PTPRU: variants seen among roughly 807,000 people sequenced by gnomAD.
The protein encoded by PTPRU is protein tyrosine phosphatase receptor type U, also known as receptor-type tyrosine-protein phosphatase U.
In PTPRU, 69 loss-of-function variants were observed where a neutral mutation model predicts 166.3. That is an observed-to-expected ratio of 0.41 (90% CI 0.34 to 0.51). PTPRU has a LOEUF of 0.51. PTPRU is among the 20% of genes least tolerant of loss of function. The pLI is 0.09. For missense variants in PTPRU, 1,657 were observed against 2,013.7 expected (o/e 0.82, Z 3.39); for synonymous variants, 793 against 814.0 (o/e 0.97, Z 0.44).
intron 8 of PTPRU, 105 bp downstream of exon 8, chr1:29,275,861 G>A (rs113294419): frequency 7.7e-6 from 10 of 1,291,876 alleles, no homozygotes; most frequent in African/African-American, 1.5e-5. Context: ...TTTTTGCTTA[G>A]GATTAAACCA....
At chr1:29,312,786 T>C (rs1441375648) in intron 22 of PTPRU, 80 bp downstream of exon 22, 1 of 1,488,364 alleles carries the variant, frequency 6.7e-7, no homozygotes, top group Non-Finnish European at 9.0e-7. Context: ...TGGTTCAGGA[T>C]CTGTAGTGGG....
intron 1 of PTPRU, among the ~76,000 whole-genome samples, chr1:29,239,566 G>A (rs1042778654): frequency 6.6e-6 from 1 of 152,140 alleles, no homozygotes; most frequent in African/African-American, 2.4e-5. Flanking sequence ...GGCAAGCATC[G>A]TGCTTGATGG....
At chr1:29,272,927 A>AAAT (rs1685633747) in intron 7 of PTPRU, among the ~76,000 whole-genome samples, 1 of 144,410 alleles carries the variant, frequency 6.9e-6, no homozygotes, top group African/African-American at 2.8e-5. Flanking sequence ...AAAAAAAAAA[A>AAAT]GAAAAAAAAA....
intron 15 of PTPRU, among the ~76,000 whole-genome samples, chr1:29,299,457 G>A (rs188597486): frequency 9.1e-4 from 139 of 152,284 alleles, no homozygotes; most frequent in Non-Finnish European, 1.5e-5. Flanking sequence ...CCCAGGAATT[G>A]GAGGGTCCTT....
At chr1:29,293,471 G>GTTTTTTTTTTTTTTTTTTTTT (rs201996423) in intron 15 of PTPRU, among the ~76,000 whole-genome samples, 1 of 135,314 alleles carries the variant, frequency 7.4e-6, no homozygotes, top group South Asian at 2.4e-4. Flanking sequence ...TTCGGGGGTA[G>GTTTTTTTTTTTTTTTTTTTTT]TTTTTTGTTT....
chr1:29,238,097 T>C lies in PTPRU; in HGVS notation c.73+1380T>C, dbSNP rs1017202690. Among the ~76,000 whole-genome samples the C allele has an allele frequency of 1.3e-5, 2 of 151,790 alleles. No individual in the cohort carries two copies. The highest frequency in any genetic ancestry group is 4.8e-5 in the African/African-American group (2 of 41,374). ...GAGTGTGAGCGTGAGTGTGAGCGTG[T>C]GGCTCCGCGCTTGTCTGCTGTGTGG... is the stretch of plus-strand genomic sequence containing the variant. On this transcript the variant is annotated intron_variant, in intron 1 of 29. Coordinates refer to ENST00000373779, the MANE Select transcript of PTPRU (RefSeq NM_133178.4). The surrounding 1 kb of genome is among the most constrained non-coding windows in gnomAD (Gnocchi z 6.1).
chr1:29,254,540 C>T (rs1684689195), intron 1 of PTPRU, among the ~76,000 whole-genome samples: 1 of 152,212 alleles, frequency 6.6e-6, no homozygotes, highest in South Asian at 2.1e-4. Flanking sequence ...CCTAATTTGG[C>T]CGACTTTGGG....
chr1:29,239,736 C>T (rs531406985), intron 1 of PTPRU, among the ~76,000 whole-genome samples: 2 of 152,168 alleles, frequency 1.3e-5, no homozygotes, highest in Admixed American at 6.5e-5. Flanking sequence ...CATCCTGGAA[C>T]GTCCTGTCTG....
At chr1:29,305,470 C>T in intron 18 of PTPRU, 42 bp downstream of exon 18, 1 of 1,577,990 alleles carries the variant, frequency 6.3e-7, no homozygotes, top group South Asian at 1.1e-5. Flanking sequence ...CTGGCCCTGC[C>T]CGCTCCAGGC....
chr1:29,314,098 A>G (rs902491799), intron 22 of PTPRU, among the ~76,000 whole-genome samples: 3 of 152,200 alleles, frequency 2.0e-5, no homozygotes, highest in Admixed American at 2.0e-4. Context: ...GCTCGTCCAC[A>G]GTGGATCATC....
rs895415823 is a variant in PTPRU at position 29,238,394 on chromosome 1, G to A, written c.73+1677G>A. On this transcript the variant is annotated intron_variant, in intron 1 of 29. Coordinates refer to ENST00000373779, the MANE Select transcript of PTPRU (RefSeq NM_133178.4). This position sits in a 1 kb window ranked among gnomAD's most constrained non-coding sequence, Gnocchi z 6.1. ...CTCGCCACCGGCGGGGCTGCTCCGCGGGCTCCGGGTAGCCGGGAGACGCCC... is the reference window on the plus strand; with the variant it reads ...CTCGCCACCGGCGGGGCTGCTCCGCAGGCTCCGGGTAGCCGGGAGACGCCC... Among the ~76,000 whole-genome samples the A allele has an allele frequency of 6.6e-6, 1 of 152,038 alleles. No homozygotes were observed. The highest frequency in any genetic ancestry group is 1.9e-4 in the East Asian group (1 of 5,136).
chr1:29,264,908 C>G (rs1037320065), intron 7 of PTPRU, among the ~76,000 whole-genome samples: 10 of 152,180 alleles, frequency 6.6e-5, no homozygotes, highest in Non-Finnish European at 1.5e-4. Context: ...TTTCCTTCAT[C>G]CAAGTTGTGT....
chr1:29,260,603 C>T lies in PTPRU; in HGVS notation c.851-7C>T. On this transcript the variant is annotated splice_region_variant and splice_polypyrimidine_tract_variant and intron_variant, in intron 6 of 29. Coordinates refer to ENST00000373779, the MANE Select transcript of PTPRU (RefSeq NM_133178.4). This position sits in a 1 kb window ranked among gnomAD's most constrained non-coding sequence, Gnocchi z 8.3. ...GTCCGCCTCGCCTCTCCCCCATCTCCTCGCAGAGCCCCCAACTCCCATCGC... is the reference window on the plus strand; with the variant it reads ...GTCCGCCTCGCCTCTCCCCCATCTCTTCGCAGAGCCCCCAACTCCCATCGC... 1 of 1,490,846 alleles carries T rather than the reference C, an allele frequency of 6.7e-7. No individual in the cohort carries two copies. The highest frequency in any genetic ancestry group is 8.9e-7 in the Non-Finnish European group (1 of 1,119,262). 92.4% of individuals were successfully genotyped at this position (1,490,846 alleles called of 1,614,324 possible).
intron 25 of PTPRU, 144 bp downstream of exon 25, chr1:29,318,065 T>C (rs1687984524): frequency 1.8e-6 from 2 of 1,122,062 alleles, no homozygotes. Context: ...GTGACCCTCC[T>C]ACTCCTAGGG....
rs778243643 is a variant in PTPRU at position 29,260,902 on chromosome 1, A to C, written c.1143A>C (p.Ala381=). ...GPPLISRTKC[A]EPMRAPKGLA... ...CCCTCATCAGCCGCACCAAATGCGCAGGTGGGTGCAGCAGCTACCCCTGGC... is the reference window on the plus strand; with the variant it reads ...CCCTCATCAGCCGCACCAAATGCGCCGGTGGGTGCAGCAGCTACCCCTGGC... The change falls in exon 7 of 30, where the codon GCA becomes GCC. Residue 381 remains alanine (A), a splice_region_variant and synonymous_variant. Coordinates refer to ENST00000373779, the MANE Select transcript of PTPRU (RefSeq NM_133178.4). The surrounding 1 kb of genome is among the most constrained non-coding windows in gnomAD (Gnocchi z 8.3). 2 of 1,559,020 alleles carry C rather than the reference A, an allele frequency of 1.3e-6. No homozygotes were observed. The highest frequency in any genetic ancestry group is 1.7e-6 in the Non-Finnish European group (2 of 1,156,586).
intron 8 of PTPRU, among the ~76,000 whole-genome samples, chr1:29,276,580 AG>A: frequency 6.6e-6 from 1 of 152,270 alleles, no homozygotes; most frequent in East Asian, 1.9e-4. Context: ...GGCCTCCAAA[AG>A]TGCTGGGATT....
In PTPRU at chr1:29,275,533, C is replaced by A; in HGVS notation, c.1230C>A (p.Asn410Lys). ...LTLQWEPLGYNVTRCHTYTVS... is the reference protein window; with the variant it reads ...LTLQWEPLGYKVTRCHTYTVS... ...TGCAGTGGGAACCACTGGGCTACAACGTGACGCGTTGCCACACCTATACTG... is the reference window on the plus strand; with the variant it reads ...TGCAGTGGGAACCACTGGGCTACAAAGTGACGCGTTGCCACACCTATACTG... Residue 410 changes from asparagine to lysine, a missense_variant, in exon 8 of 30, where the codon AAC becomes AAA. By Grantham distance (94) the Asn-to-Lys change is moderately conservative. This residue lies in a region of PTPRU where 1,190 missense variants were observed against 1,477.4 expected (regional missense o/e 0.81). Transcript: ENST00000373779. The A allele has an allele frequency of 1.9e-6, 3 of 1,614,214 alleles. No homozygotes were observed. The highest frequency in any genetic ancestry group is 1.1e-5 in the South Asian group (1 of 91,086).
chr1:29,290,487 C>G (rs1426241047), intron 14 of PTPRU, among the ~76,000 whole-genome samples: 1 of 152,252 alleles, frequency 6.6e-6, no homozygotes, highest in African/African-American at 2.4e-5. Context: ...GTCTTCTACT[C>G]TGCAAGCCTT....
At chr1:29,239,569 C>T (rs1313139013) in intron 1 of PTPRU, among the ~76,000 whole-genome samples, 3 of 152,258 alleles carry the variant, frequency 2.0e-5, no homozygotes, top group Admixed American at 6.5e-5. Flanking sequence ...AAGCATCGTG[C>T]TTGATGGAGA....
Sources: allele counts gnomAD v4.1 joint callset (sites outside exome capture counted in the v4.1 genomes callset), GRCh38; gene constraint gnomAD v4.1.1; regional missense constraint gnomAD v4.1.1; non-coding constraint Gnocchi (gnomAD v3.1); transcripts MANE v1.5; gene names NCBI Gene and HGNC (gene_info 2026-07-23, HGNC 2026-07-21).